Variants in GRIN1 observed in about 807,000 individuals in gnomAD.
The protein encoded by GRIN1 is glutamate ionotropic receptor NMDA type subunit 1.
Under a neutral mutation model 103.0 loss-of-function variants are expected in GRIN1, and 38 were observed. The observed-to-expected ratio is 0.37, with a 90% CI of 0.28 to 0.48. GRIN1 has a LOEUF of 0.48. Among genes scored for constraint, GRIN1 ranks in the 20% least tolerant of loss-of-function variants. GRIN1 has a pLI of 0.98. For missense variants in GRIN1, 577 were observed against 1,288.9 expected (o/e 0.45, Z 8.46); for synonymous variants, 544 against 532.7 (o/e 1.02, Z -0.29).
In GRIN1 at chr9:137,156,900, G is replaced by A; in HGVS notation, c.831G>A (p.Glu277=). 1 of 1,612,118 alleles carries A rather than the reference G, an allele frequency of 6.2e-7. No individual in the cohort carries two copies. Among genetic ancestry groups the A allele is most frequent in the Non-Finnish European group, 8.5e-7 (1 of 1,179,808 alleles). The change falls in exon 6 of 20, where the codon GAG becomes GAA. Residue 277 remains glutamate, a synonymous_variant. Transcript: ENST00000371561. The stretch of plus-strand genomic sequence containing the variant: ...TGCAGCTCATCAACGGCAAGAACGA[G>A]TCGGCCCACATCAGCGACGCCGTGG... The part of the protein sequence containing the change: ...LGLQLINGKN[E]SAHISDAVGV...
intron 1 of GRIN1, among the ~76,000 whole-genome samples, chr9:137,141,485 C>T (rs959951703): frequency 1.3e-5 from 2 of 152,170 alleles, no homozygotes; most frequent in African/African-American, 4.8e-5. Flanking sequence ...AGACAGAGCC[C>T]GTCACAGGCC....
At chr9:137,153,110 C>T (rs1243058509) in intron 4 of GRIN1, among the ~76,000 whole-genome samples, 1 of 149,102 alleles carries the variant, frequency 6.7e-6, no homozygotes, top group South Asian at 2.1e-4. Flanking sequence ...ATGCATACAC[C>T]ACACACACAC....
chr9:137,158,227 C>A, intron 6 of GRIN1, 152 bp from the exon 7 acceptor site: 11 of 822,540 alleles, frequency 1.3e-5, no homozygotes, highest in Non-Finnish European at 2.2e-5. Flanking sequence ...GGGACTGGGA[C>A]AAGGGAAAAG....
rs1833666439 is a variant in GRIN1, at chr9:137,163,342, T to C, written c.2333+12T>C. 2 of 1,612,884 alleles carry C rather than the reference T, an allele frequency of 1.2e-6. No homozygotes were observed. The highest frequency in any genetic ancestry group is 1.7e-6 in the Non-Finnish European group (2 of 1,179,776). On this transcript the variant is annotated intron_variant, in intron 16 of 19. Coordinates refer to ENST00000371561, the MANE Select transcript of GRIN1 (RefSeq NM_007327.4). ...CTGTCCATCCTCAAGTGAGTGTCCG[T>C]GCGCCCGCGTCCCTCCTCCGCCCCT...
intron 2 of GRIN1, among the ~76,000 whole-genome samples, chr9:137,144,670 TG>T (rs1246889032): frequency 1.4e-5 from 1 of 73,266 alleles, no homozygotes; most frequent in Non-Finnish European, 3.0e-5. Context: ...GTCCCCAGGG[TG>T]GTGGGGACAG....
chr9:137,161,689 GTCTGGAGTGGGCGGGA>G (rs1157078105), intron 10 of GRIN1, among the ~76,000 whole-genome samples: 1 of 137,028 alleles, frequency 7.3e-6, no homozygotes, highest in African/African-American at 2.8e-5. Context: ...GCAGGCGGGG[GTCTGGAGTGGGCGGGA>G]CGTGGAGTGG....
intron 8 of GRIN1, 154 bp downstream of exon 8, chr9:137,158,858 G>C: frequency 1.5e-6 from 1 of 669,186 alleles, no homozygotes. Flanking sequence ...CAGCACACCT[G>C]GCACAGCACA....
chr9:137,168,011 C>A lies in GRIN1; in HGVS notation c.*484C>A. The stretch of plus-strand genomic sequence containing the variant: ...GCCTGGCGGGCAGCCCCTGCTGGAC[C>A]AAGGTGCGGACCGGAGCGGCTGAGG... On this transcript the variant is annotated 3_prime_UTR_variant, in exon 20 of 20. Transcript: ENST00000371561. 2.9e-6 allele frequency: 2 copies of A among 697,228 alleles called. No individual in the cohort carries two copies. Among genetic ancestry groups the A allele is most frequent in the Admixed American group, 2.1e-5 (1 of 47,914 alleles). 43.2% of individuals were successfully genotyped at this position (697,228 alleles called of 1,614,324 possible). A position where few individuals can be genotyped will look rare whatever the true frequency, so the allele number is the denominator to read the frequency against.
intron 2 of GRIN1, among the ~76,000 whole-genome samples, 198 bp downstream of exon 2, chr9:137,142,345 CAT>C (rs775611900): frequency 5.9e-5 from 9 of 152,264 alleles, no homozygotes; most frequent in Non-Finnish European, 1.2e-4. Context: ...CATGCACACT[CAT>C]GTGCTCTTAC....
At position 137,168,575 on chromosome 9, in the gene GRIN1, G is replaced by T; in HGVS notation, c.*1048G>T. 3.5e-6 allele frequency: 1 copy of T among 288,820 alleles called. No homozygotes were observed. The highest frequency in any genetic ancestry group is 5.2e-5 in the Admixed American group (1 of 19,092). The allele number at this position is 288,820 out of a possible 1,614,324, so 17.9% of individuals were successfully genotyped here. On this transcript the variant is annotated 3_prime_UTR_variant, in exon 20 of 20. Coordinates refer to ENST00000371561, the MANE Select transcript of GRIN1 (RefSeq NM_007327.4). ...ACCCGCCCGCCCCCGCCCTCGCTCCGGGTGCGTGACCGGCCCGCCACCTTG... is the reference window on the plus strand; with the variant it reads ...ACCCGCCCGCCCCCGCCCTCGCTCCTGGTGCGTGACCGGCCCGCCACCTTG...
rs921880678 is a variant in GRIN1, at chr9:137,161,190, G to A, written c.1332G>A (p.Pro444=). 6.2e-6 allele frequency: 10 copies of A among 1,609,396 alleles called. No homozygotes were observed. Among genetic ancestry groups the A allele is most frequent in the African/African-American group, 1.3e-5 (1 of 74,836 alleles). ...GCACCGGGCCCAACGACACGTCGCC[G>A]GGCAGCCGTGAGTGCGCGGGGCAGG... ...VICTGPNDTS[P]GSPRHTVPQC... is the part of the protein sequence containing the mutation. The change falls in exon 9 of 20, where the codon CCG becomes CCA. Residue 444 remains proline, a synonymous_variant. Transcript: ENST00000371561.
chr9:137,159,197 C>G (rs1220854435), intron 8 of GRIN1, among the ~76,000 whole-genome samples: 1 of 152,166 alleles, frequency 6.6e-6, no homozygotes, highest in East Asian at 1.9e-4. Flanking sequence ...GCTTCCTCCT[C>G]CAGAACATCT....
In GRIN1 at chr9:137,163,598, G is replaced by T. The variant is rs757177533; in HGVS notation, c.2373G>T (p.Thr791=). The T allele has an allele frequency of 6.2e-7, 1 of 1,613,548 alleles. No individual in the cohort carries two copies. The highest frequency in any genetic ancestry group is 8.5e-7 in the Non-Finnish European group (1 of 1,179,820). ...GCTTCATGGAAGACCTGGACAAGAC[G>T]TGGGTTCGGTATCAGGAATGTGACT... The part of the protein sequence containing the change: ...ENGFMEDLDK[T]WVRYQECDSR... The change falls in exon 17 of 20, where the codon ACG becomes ACT. Residue 791 remains threonine, a synonymous_variant. Coordinates refer to ENST00000371561, the MANE Select transcript of GRIN1 (RefSeq NM_007327.4).
chr9:137,144,671 G>T (rs1468063217), intron 2 of GRIN1, among the ~76,000 whole-genome samples: 2 of 151,142 alleles, frequency 1.3e-5, no homozygotes, highest in East Asian at 2.0e-4. Context: ...TCCCCAGGGT[G>T]GTGGGGACAG....
At chr9:137,141,420 C>T (rs115048898) in intron 1 of GRIN1, among the ~76,000 whole-genome samples, 14 of 152,310 alleles carry the variant, frequency 9.2e-5, no homozygotes, top group African/African-American at 3.4e-4. Context: ...CCAATGCCTC[C>T]CTTCCCTTCC....
chr9:137,140,829 G>A (rs747803892), intron 1 of GRIN1, among the ~76,000 whole-genome samples: 10 of 152,216 alleles, frequency 6.6e-5, no homozygotes, highest in Non-Finnish European at 1.2e-4. Flanking sequence ...CAAGAGCTGG[G>A]GGAGGGAGAA....
rs1718918338 is a variant in GRIN1 at position 137,168,164 on chromosome 9, G to A, written c.*637G>A. Reference sequence around the variant, plus strand: ...GGCGGAGGGGCTTGGAGCAGAGACGGCAGCCCCATCCTTCCCGCAGCACCA... The same window carrying A: ...GGCGGAGGGGCTTGGAGCAGAGACGACAGCCCCATCCTTCCCGCAGCACCA... On this transcript the variant is annotated 3_prime_UTR_variant, in exon 20 of 20. Transcript: ENST00000371561. The A allele has an allele frequency of 4.3e-6, 2 of 466,992 alleles. No individual in the cohort carries two copies. The highest frequency in any genetic ancestry group is 2.4e-5 in the South Asian group (1 of 42,406). 28.9% of individuals were successfully genotyped at this position (466,992 alleles called of 1,614,324 possible).
At position 137,146,246 on chromosome 9, in the gene GRIN1, G is replaced by A. The variant is rs554522698; in HGVS notation, c.570+344G>A. Among the ~76,000 whole-genome samples the A allele has an allele frequency of 8.6e-5, 9 of 105,152 alleles. No homozygotes were observed. Among genetic ancestry groups the A allele is most frequent in the Middle Eastern group, 4.4e-3 (1 of 226 alleles). The allele number at this position is 105,152 out of a possible 152,430, so 69.0% of individuals were successfully genotyped here. A position where few individuals can be genotyped will look rare whatever the true frequency, so the allele number is the denominator to read the frequency against. ...GGGCTTGGGACTCGTCACCCTTCCC[G>A]CCCACCCTGTCCTGAGTCCCCAGCA... On this transcript the variant is annotated intron_variant, in intron 3 of 19. Coordinates refer to ENST00000371561, the MANE Select transcript of GRIN1 (RefSeq NM_007327.4). This position sits in a 1 kb window ranked among gnomAD's most constrained non-coding sequence, Gnocchi z 6.7.
chr9:137,148,783 C>T (rs558744325), intron 3 of GRIN1, among the ~76,000 whole-genome samples: 120 of 152,214 alleles, frequency 7.9e-4, no homozygotes, highest in Non-Finnish European at 1.2e-3. Flanking sequence ...GAGCACAGAA[C>T]GAGCACAGGT....
Sources: allele counts gnomAD v4.1 joint callset (sites outside exome capture counted in the v4.1 genomes callset), GRCh38; gene constraint gnomAD v4.1.1; non-coding constraint Gnocchi (gnomAD v3.1); transcripts MANE v1.5; gene names NCBI Gene and HGNC (gene_info 2026-07-23, HGNC 2026-07-21).